The following NRXN3 variants were observed in gnomAD, a reference collection of about 807,000 sequenced individuals.
NRXN3 encodes neurexin 3, also known as neurexin III.
In NRXN3, 32 loss-of-function variants were observed where a neutral mutation model predicts 137.6. The ratio of observed to expected loss-of-function variants is 0.23; its 90% CI spans 0.18 to 0.31. The LOEUF (loss-of-function observed/expected upper bound fraction) is 0.31. Ranked by LOEUF, NRXN3 falls within the 10% of genes least tolerant of loss-of-function variation. The pLI is 1.00. For missense variants in NRXN3, 1,574 were observed against 2,062.5 expected, an observed-to-expected ratio of 0.76 and a Z score of 4.59; for synonymous variants, 798 against 784.5, an observed-to-expected ratio of 1.02 and a Z score of -0.29.
At chr14:79,251,583 A>T (rs2075937717) in intron 15 of NRXN3, among the ~76,000 whole-genome samples, 1 of 152,130 alleles carries the variant, frequency 6.6e-6, no homozygotes. Flanking sequence ...TTATTGGATG[A>T]CATCACAGAT....
chr14:78,866,900 C>A (rs1341105319), intron 10 of NRXN3, among the ~76,000 whole-genome samples: 4 of 148,540 alleles, frequency 2.7e-5, no homozygotes, highest in Non-Finnish European at 5.9e-5. Flanking sequence ...CAGGTTCAAG[C>A]GATTCTCCTG....
intron 15 of NRXN3, among the ~76,000 whole-genome samples, chr14:79,193,194 A>G (rs2064655874): frequency 6.6e-6 from 1 of 152,200 alleles, no homozygotes; most frequent in Non-Finnish European, 1.5e-5. Context: ...GATATTATAG[A>G]TATGCTATAG....
chr14:79,000,900 A>G (rs1400791500), intron 15 of NRXN3, among the ~76,000 whole-genome samples: 3 of 152,206 alleles, frequency 2.0e-5, no homozygotes, highest in African/African-American at 7.2e-5. Flanking sequence ...AACACAGCAC[A>G]TGTATTCTCA....
intron 4 of NRXN3, among the ~76,000 whole-genome samples, chr14:78,512,586 C>T (rs1158536021): frequency 6.6e-6 from 1 of 152,134 alleles, no homozygotes; most frequent in Non-Finnish European, 1.5e-5. Context: ...AATCAAAACC[C>T]TTAGGTGGCA....
At chr14:78,307,015 G>A (rs1207206474) in intron 4 of NRXN3, among the ~76,000 whole-genome samples, 1 of 152,068 alleles carries the variant, frequency 6.6e-6, no homozygotes, top group Non-Finnish European at 1.5e-5. Context: ...ATTTTAAAGG[G>A]AAATTGTTAG....
intron 16 of NRXN3, among the ~76,000 whole-genome samples, chr14:79,599,994 CA>C (rs2097905333): frequency 6.6e-6 from 1 of 152,038 alleles, no homozygotes; most frequent in Non-Finnish European, 1.5e-5. Flanking sequence ...GAATCTGTCT[CA>C]AAAAATTAAA....
At chr14:79,817,869 C>A (rs1169585624) in intron 20 of NRXN3, among the ~76,000 whole-genome samples, 2 of 152,016 alleles carry the variant, frequency 1.3e-5, no homozygotes, top group African/African-American at 2.4e-5. Flanking sequence ...CTTTAACAAT[C>A]TTGGTTGATG....
intron 2 of NRXN3, among the ~76,000 whole-genome samples, chr14:78,273,027 T>C (rs2073041213): frequency 6.6e-6 from 1 of 152,222 alleles, no homozygotes; most frequent in Non-Finnish European, 1.5e-5. Context: ...CTCAGGCCAG[T>C]CCTGGGGCCC....
intron 16 of NRXN3, among the ~76,000 whole-genome samples, chr14:79,499,633 C>A (rs1022374612): frequency 6.6e-6 from 1 of 152,108 alleles, no homozygotes; most frequent in Non-Finnish European, 1.5e-5. Flanking sequence ...CATAGTGAAC[C>A]CTTCATAAAT....
At chr14:78,455,577 T>G (rs1193206838) in intron 4 of NRXN3, among the ~76,000 whole-genome samples, 1 of 152,228 alleles carries the variant, frequency 6.6e-6, no homozygotes, top group African/African-American at 2.4e-5. Context: ...ATGAAGATGT[T>G]AAATAAAATG....
chr14:79,383,831 T>A (rs1449366394), intron 15 of NRXN3, among the ~76,000 whole-genome samples: 1 of 152,196 alleles, frequency 6.6e-6, no homozygotes. Flanking sequence ...TGCTGCCTCT[T>A]AGTATTCATA....
intron 15 of NRXN3, among the ~76,000 whole-genome samples, chr14:79,255,939 C>T (rs2076510176): frequency 6.6e-6 from 1 of 152,128 alleles, no homozygotes; most frequent in Admixed American, 6.5e-5. Context: ...TGGAAATTTG[C>T]CATGGGAGGC....
intron 15 of NRXN3, among the ~76,000 whole-genome samples, chr14:79,410,198 C>T (rs964215380): frequency 5.3e-5 from 8 of 151,844 alleles, no homozygotes; most frequent in African/African-American, 1.9e-4. Flanking sequence ...GAGACACACA[C>T]ACACGCACAC....
intron 19 of NRXN3, among the ~76,000 whole-genome samples, chr14:79,788,554 C>A (rs1230731819): frequency 6.6e-6 from 1 of 152,172 alleles, no homozygotes; most frequent in Non-Finnish European, 1.5e-5. Flanking sequence ...GTAGATGTCA[C>A]TGACTCAAAT....
chr14:79,082,202 T>C (rs1353997167), intron 15 of NRXN3, among the ~76,000 whole-genome samples: 2 of 152,122 alleles, frequency 1.3e-5, no homozygotes, highest in African/African-American at 2.4e-5. Context: ...TGTTTTCTAC[T>C]AACATCTTCA....
intron 16 of NRXN3, among the ~76,000 whole-genome samples, chr14:79,624,664 A>G (rs764860270): frequency 2.6e-4 from 39 of 151,992 alleles, no homozygotes; most frequent in Non-Finnish European, 4.1e-4. Context: ...TTTAACCTAT[A>G]TCTCCCCATC....
chr14:78,783,570 G>C lies in NRXN3; in HGVS notation c.2045-20050G>C, dbSNP rs549591880. Among the ~76,000 whole-genome samples, 92 of 152,220 alleles carry C rather than the reference G, an allele frequency of 6.0e-4. 1 individual carries two copies. Among genetic ancestry groups the C allele is most frequent in the African/African-American group, 2.2e-3 (91 of 41,540 alleles). On this transcript the variant is annotated intron_variant, in intron 8 of 20. Coordinates refer to ENST00000335750, the MANE Select transcript of NRXN3 (RefSeq NM_001330195.2). ...TTGCTATGATTGATAATCATACCAT[G>C]GTAATGTAAGAGGTTATTAGCATTA...
At chr14:79,128,758 A>G (rs376577054) in intron 15 of NRXN3, among the ~76,000 whole-genome samples, 7 of 151,798 alleles carry the variant, frequency 4.6e-5, no homozygotes, top group African/African-American at 1.2e-4. Context: ...AATGGTACCA[A>G]TTCCTCCTTG....
At chr14:78,983,878 A>T (rs954248728) in intron 14 of NRXN3, among the ~76,000 whole-genome samples, 3 of 151,600 alleles carry the variant, frequency 2.0e-5, no homozygotes, top group Non-Finnish European at 4.4e-5. Flanking sequence ...AAAAAGAAAA[A>T]AAAAGAAAAA....
Sources: allele counts gnomAD v4.1 joint callset (sites outside exome capture counted in the v4.1 genomes callset), GRCh38; gene constraint gnomAD v4.1.1; transcripts MANE v1.5; gene names NCBI Gene and HGNC (gene_info 2026-07-23, HGNC 2026-07-21).